Variants in LRRC4C observed in about 807,000 individuals in gnomAD.
The protein encoded by LRRC4C is leucine-rich repeat-containing protein 4C.
LRRC4C carries 5 observed loss-of-function variants against 33.6 expected under a neutral mutation model. The observed-to-expected ratio is 0.15, with a 90% CI of 0.08 to 0.31. LRRC4C has a LOEUF of 0.31. LRRC4C is among the 10% of genes least tolerant of loss of function. The pLI, the probability that LRRC4C is intolerant of heterozygous loss-of-function variation, is 1.00. For synonymous variants in LRRC4C, 329 were observed against 302.0 expected (o/e 1.09, Z -0.93); for missense variants, 560 against 796.7 (o/e 0.70, Z 3.58).
chr11:40,668,196 C>T (rs1943916439), intron 2 of LRRC4C, among the ~76,000 whole-genome samples: 1 of 152,164 alleles, frequency 6.6e-6, no homozygotes. Flanking sequence ...TTATAAATGA[C>T]ATTGGCATCC....
At chr11:40,583,351 G>A (rs75143744) in intron 3 of LRRC4C, among the ~76,000 whole-genome samples, 301 of 152,246 alleles carry the variant, frequency 2.0e-3, no homozygotes, top group Admixed American at 3.5e-3. Flanking sequence ...ATCAAGACAG[G>A]TTGAGAAATG....
At chr11:41,442,661 G>A (rs1301311418) in intron 1 of LRRC4C, among the ~76,000 whole-genome samples, 7 of 151,610 alleles carry the variant, frequency 4.6e-5, no homozygotes, top group East Asian at 3.9e-4. Flanking sequence ...AGTAGAGACG[G>A]GGTTTCACTG....
At chr11:40,209,867 T>G (rs1278735541) in intron 5 of LRRC4C, among the ~76,000 whole-genome samples, 1 of 152,168 alleles carries the variant, frequency 6.6e-6, no homozygotes, top group East Asian at 1.9e-4. Flanking sequence ...AGTATTGGGT[T>G]GAAAACCAGC....
At chr11:40,526,007 CACT>C (rs1956032766) in intron 3 of LRRC4C, among the ~76,000 whole-genome samples, 1 of 151,870 alleles carries the variant, frequency 6.6e-6, no homozygotes, top group Non-Finnish European at 1.5e-5. Flanking sequence ...TTTTAATAAA[CACT>C]ACTAGGTCAA....
chr11:41,108,556 C>A (rs955343736), intron 1 of LRRC4C, among the ~76,000 whole-genome samples: 10 of 152,002 alleles, frequency 6.6e-5, no homozygotes, highest in Non-Finnish European at 1.3e-4. Context: ...AGGCCCAGAT[C>A]GCAAATTCAT....
intron 1 of LRRC4C, among the ~76,000 whole-genome samples, chr11:41,043,597 A>G (rs1857579546): frequency 6.6e-6 from 1 of 151,768 alleles, no homozygotes; most frequent in Admixed American, 6.6e-5. Context: ...AACTTTCAGA[A>G]AACTCAATTA....
intron 1 of LRRC4C, among the ~76,000 whole-genome samples, chr11:41,188,487 G>A (rs1338982382): frequency 6.6e-6 from 1 of 151,920 alleles, no homozygotes; most frequent in African/African-American, 2.4e-5. Flanking sequence ...TCTCTTACTG[G>A]CTATGTGATT....
At chr11:41,183,924 G>A (rs1257518835) in intron 1 of LRRC4C, among the ~76,000 whole-genome samples, 1 of 152,152 alleles carries the variant, frequency 6.6e-6, no homozygotes, top group Non-Finnish European at 1.5e-5. Context: ...ATACCTGCAG[G>A]CTCAACACCA....
At chr11:40,346,509 T>C (rs532154427) in intron 3 of LRRC4C, among the ~76,000 whole-genome samples, 3 of 152,168 alleles carry the variant, frequency 2.0e-5, no homozygotes, top group African/African-American at 4.8e-5. Context: ...TGAGAACACA[T>C]GGACACACAG....
intron 1 of LRRC4C, among the ~76,000 whole-genome samples, chr11:41,001,130 T>TA (rs1229682112): frequency 6.6e-6 from 1 of 151,802 alleles, no homozygotes; most frequent in Non-Finnish European, 1.5e-5. Flanking sequence ...TTTGACTGAT[T>TA]AAAAAAAAGA....
chr11:40,586,953 T>C (rs1958783875), intron 3 of LRRC4C, among the ~76,000 whole-genome samples: 1 of 152,170 alleles, frequency 6.6e-6, no homozygotes, highest in South Asian at 2.1e-4. Context: ...GATTTGGTGA[T>C]GCGGGCTCTT....
chr11:40,466,546 G>A (rs1231381345), intron 3 of LRRC4C, among the ~76,000 whole-genome samples: 7 of 151,618 alleles, frequency 4.6e-5, no homozygotes, highest in Non-Finnish European at 8.8e-5. Flanking sequence ...ATAATATTAT[G>A]TATACTTTTT....
intron 1 of LRRC4C, among the ~76,000 whole-genome samples, chr11:41,041,920 A>T (rs1258199763): frequency 6.6e-6 from 1 of 152,180 alleles, no homozygotes; most frequent in African/African-American, 2.4e-5. Flanking sequence ...AATTTTGTGG[A>T]TCTGATTTGT....
intron 3 of LRRC4C, among the ~76,000 whole-genome samples, chr11:40,581,858 G>A (rs1022486142): frequency 2.6e-5 from 4 of 152,136 alleles, no homozygotes; most frequent in African/African-American, 9.7e-5. Context: ...AGCCGAGATC[G>A]TGCCACTGCA....
intron 3 of LRRC4C, among the ~76,000 whole-genome samples, chr11:40,465,275 G>A (rs544684999): frequency 5.3e-5 from 8 of 151,968 alleles, no homozygotes; most frequent in South Asian, 4.2e-4. Flanking sequence ...AAATGAAACC[G>A]GTCACATGTC....
chr11:40,660,823 C>T (rs534607130), intron 2 of LRRC4C, among the ~76,000 whole-genome samples: 2 of 152,246 alleles, frequency 1.3e-5, no homozygotes, highest in African/African-American at 4.8e-5. Context: ...TGAATGTGAA[C>T]ACATAATTTA....
intron 3 of LRRC4C, among the ~76,000 whole-genome samples, chr11:40,573,930 C>T (rs1958080550): frequency 6.6e-6 from 1 of 152,068 alleles, no homozygotes; most frequent in African/African-American, 2.4e-5. Context: ...ATTGTAAATG[C>T]TCAGCAGAGT....
intron 2 of LRRC4C, among the ~76,000 whole-genome samples, chr11:40,893,462 C>G (rs1754785113): frequency 6.6e-6 from 1 of 151,834 alleles, no homozygotes; most frequent in African/African-American, 2.4e-5. Flanking sequence ...TTACACATTT[C>G]AAGCATGTAT....
At chr11:41,436,152 T>G (rs560982011) in intron 1 of LRRC4C, among the ~76,000 whole-genome samples, 1 of 152,276 alleles carries the variant, frequency 6.6e-6, no homozygotes, top group South Asian at 2.1e-4. Flanking sequence ...TGCAGTGAGC[T>G]GAGATCGTGC....
Sources: gnomAD v4.1 joint callset for allele counts (sites outside exome capture counted in the v4.1 genomes callset) on GRCh38, gnomAD v4.1.1 for gene constraint, MANE v1.5 for transcripts, NCBI Gene and HGNC (gene_info 2026-07-23, HGNC 2026-07-21) for gene names.